ADAMTS20: variants seen among roughly 807,000 people sequenced by gnomAD.
ADAMTS20 encodes ADAM metallopeptidase with thrombospondin type 1 motif 20.
ADAMTS20 carries 225 observed loss-of-function variants against 260.1 expected under a neutral mutation model. The observed-to-expected ratio is 0.87, with a 90% CI of 0.78 to 0.97. The LOEUF is 0.97. Ranked by LOEUF, ADAMTS20 falls within the 50% of genes least tolerant of loss-of-function variation. The probability of loss-of-function intolerance (pLI) is 0.00; values close to 1 mark genes in which losing one functional copy is unlikely to be tolerated. For missense variants in ADAMTS20, 2,400 were observed against 2,337.7 expected (o/e 1.03, Z -0.55); for synonymous variants, 802 against 769.5 (o/e 1.04, Z -0.70).
chr12:43,431,426 C>T lies in ADAMTS20; in HGVS notation c.3167G>A (p.Ser1056Asn). 1 of 1,613,974 alleles carries T rather than the reference C, an allele frequency of 6.2e-7. No individual in the cohort carries two copies. Among genetic ancestry groups the T allele is most frequent in the Non-Finnish European group, 8.5e-7 (1 of 1,179,864 alleles). Residue 1056 changes from serine to asparagine, a missense_variant, in exon 22 of 39, where the codon AGT becomes AAT. Ser to Asn is a conservative substitution (Grantham distance 46). Transcript: ENST00000389420. ...GGTACTTGAATTACAGAAGCCATCA[C>T]TCAAGTGATCTACATTCAGCTGACA... is the stretch of plus-strand genomic sequence containing the variant. ...VWCQLNVDHL[S>N]DGFCNSSTKP...
At chr12:43,522,496 A>T (rs1943086154) in intron 3 of ADAMTS20, among the ~76,000 whole-genome samples, 1 of 152,196 alleles carries the variant, frequency 6.6e-6, no homozygotes, top group African/African-American at 2.4e-5. Flanking sequence ...CTAACCCATG[A>T]CACTGAGATG....
intron 3 of ADAMTS20, among the ~76,000 whole-genome samples, chr12:43,531,783 C>T (rs971607688): frequency 3.3e-5 from 5 of 151,694 alleles, no homozygotes; most frequent in Non-Finnish European, 4.4e-5. Context: ...AGTGTTCTCA[C>T]CACAAAAAAA....
intron 2 of ADAMTS20, among the ~76,000 whole-genome samples, chr12:43,538,896 G>T (rs1012553584): frequency 2.7e-5 from 4 of 149,374 alleles, no homozygotes; most frequent in South Asian, 2.1e-4. Context: ...GAAGTACCTG[G>T]TTTTTTCTCA....
At chr12:43,521,606 T>A (rs1203609911) in intron 3 of ADAMTS20, among the ~76,000 whole-genome samples, 1 of 149,692 alleles carries the variant, frequency 6.7e-6, no homozygotes, top group Non-Finnish European at 1.5e-5. Flanking sequence ...AAATTACATA[T>A]TTTTTTAGAA....
chr12:43,451,948 C>A (rs1055193625), intron 14 of ADAMTS20, among the ~76,000 whole-genome samples: 1 of 152,092 alleles, frequency 6.6e-6, no homozygotes. Context: ...CTTAAAGTAG[C>A]AAAATCTCCT....
chr12:43,372,442 G>C (rs1226500722), intron 36 of ADAMTS20, among the ~76,000 whole-genome samples: 2 of 152,144 alleles, frequency 1.3e-5, no homozygotes, highest in Admixed American at 6.5e-5. Flanking sequence ...TCCTGGAAGT[G>C]ACATGAATAA....
chr12:43,358,133 A>C (rs1163208697), intron 37 of ADAMTS20, among the ~76,000 whole-genome samples: 2 of 152,200 alleles, frequency 1.3e-5, no homozygotes, highest in Non-Finnish European at 2.9e-5. Flanking sequence ...ATGCAACCTA[A>C]TACTGTTGTT....
At chr12:43,416,779 C>T (rs1050761396) in intron 28 of ADAMTS20, among the ~76,000 whole-genome samples, 9 of 152,142 alleles carry the variant, frequency 5.9e-5, no homozygotes, top group African/African-American at 2.2e-4. Flanking sequence ...GCCTCGGCCT[C>T]CCAAAGTGCT....
chr12:43,441,484 G>T (rs1203495813), intron 16 of ADAMTS20, among the ~76,000 whole-genome samples: 1 of 152,100 alleles, frequency 6.6e-6, no homozygotes, highest in East Asian at 1.9e-4. Context: ...TGTGATTAAT[G>T]TCTATGTAAT....
At chr12:43,448,477 TA>T (rs1565553601) in intron 14 of ADAMTS20, among the ~76,000 whole-genome samples, 2 of 152,012 alleles carry the variant, frequency 1.3e-5, no homozygotes, top group African/African-American at 2.4e-5. Flanking sequence ...TTACATCTTA[TA>T]AAAAAATCAA....
chr12:43,469,355 C>T (rs115581478), intron 7 of ADAMTS20, among the ~76,000 whole-genome samples: 2,068 of 152,112 alleles, frequency 0.014, 51 homozygotes, highest in African/African-American at 0.047. Context: ...GAATAACATG[C>T]AACTCAAATG....
chr12:43,366,910 G>C (rs1215496073), intron 37 of ADAMTS20, among the ~76,000 whole-genome samples: 1 of 151,922 alleles, frequency 6.6e-6, no homozygotes, highest in Non-Finnish European at 1.5e-5. Flanking sequence ...GCAGAGGATT[G>C]TAAGGGAATA....
intron 29 of ADAMTS20, among the ~76,000 whole-genome samples, chr12:43,388,304 C>T (rs904166655): frequency 1.3e-5 from 2 of 152,158 alleles, no homozygotes; most frequent in Non-Finnish European, 2.9e-5. Flanking sequence ...CCTTGTGCTT[C>T]CCAGGTGAGG....
intron 8 of ADAMTS20, among the ~76,000 whole-genome samples, chr12:43,467,692 G>A (rs1174476115): frequency 2.6e-5 from 4 of 151,888 alleles, no homozygotes; most frequent in South Asian, 2.1e-4. Flanking sequence ...CCTATCCCCC[G>A]ACTTCATAAA....
intron 7 of ADAMTS20, among the ~76,000 whole-genome samples, chr12:43,475,054 C>T (rs948402190): frequency 7.2e-6 from 1 of 139,826 alleles, no homozygotes; most frequent in East Asian, 2.2e-4. Context: ...CAAATTGTCC[C>T]TGTGTGCAGA....
chr12:43,359,725 G>C (rs1488512970), intron 37 of ADAMTS20, among the ~76,000 whole-genome samples: 1 of 152,168 alleles, frequency 6.6e-6, no homozygotes, highest in Non-Finnish European at 1.5e-5. Context: ...CAAATAAGTG[G>C]AGAAAACATT....
chr12:43,354,354 CAA>C (rs1459136557), intron 38 of ADAMTS20, 56 bp from the exon 39 acceptor site: 1 of 1,298,436 alleles, frequency 7.7e-7, no homozygotes, highest in Admixed American at 2.1e-5. Context: ...TATCTGTATG[CAA>C]ATAGCAGAAA....
At chr12:43,449,160 T>C (rs556019834) in intron 14 of ADAMTS20, among the ~76,000 whole-genome samples, 12 of 152,264 alleles carry the variant, frequency 7.9e-5, no homozygotes, top group Admixed American at 7.2e-4. Flanking sequence ...ATATAAGTTG[T>C]TCTACCATAA....
chr12:43,389,055 TC>T (rs1157927048), intron 29 of ADAMTS20, among the ~76,000 whole-genome samples: 2 of 152,186 alleles, frequency 1.3e-5, no homozygotes, highest in Non-Finnish European at 2.9e-5. Flanking sequence ...ATTCAGATCA[TC>T]CCATTCTTTC....
Sources: allele counts gnomAD v4.1 joint callset (sites outside exome capture counted in the v4.1 genomes callset), GRCh38; gene constraint gnomAD v4.1.1; transcripts MANE v1.5; gene names NCBI Gene and HGNC (gene_info 2026-07-23, HGNC 2026-07-21).